The following AGBL3 variants were observed in gnomAD, a reference collection of about 807,000 sequenced individuals.
AGBL3 encodes cytosolic carboxypeptidase 3.
In AGBL3, 68 loss-of-function variants were observed where a neutral mutation model predicts 94.5. The ratio of observed to expected loss-of-function variants is 0.72; its 90% CI spans 0.59 to 0.88. AGBL3 has a LOEUF of 0.88. Among genes scored for constraint, AGBL3 ranks in the 40% least tolerant of loss-of-function variants. AGBL3 has a pLI of 0.00. For synonymous variants in AGBL3, 354 were observed against 370.7 expected (o/e 0.95, Z 0.52); for missense variants, 934 against 1,103.8 (o/e 0.85, Z 2.18).
Position 135,091,180 on chromosome 7 carries a change from T to C in AGBL3, c.2110+9390T>C, listed in dbSNP as rs1030122013. ...AGGATGGGGTGGTGGAGTCCTGGTG[T>C]TTCCTTCCATTTTCCATATGGCCTT... On this transcript the variant is annotated intron_variant, in intron 15 of 16. Transcript: ENST00000436302. Among the ~76,000 whole-genome samples, 4 of 151,968 alleles carry C rather than the reference T, an allele frequency of 2.6e-5. No individual in the cohort carries two copies. The South Asian group carries it at 8.3e-4, about 31-fold the overall frequency.
At chr7:135,101,683 A>G (rs1823848584) in intron 15 of AGBL3, among the ~76,000 whole-genome samples, 2 of 152,104 alleles carry the variant, frequency 1.3e-5, no homozygotes, top group Non-Finnish European at 2.9e-5. Context: ...CTAATTGAAG[A>G]CTAATATAGT....
intron 15 of AGBL3, among the ~76,000 whole-genome samples, chr7:135,105,184 C>G (rs1010257703): frequency 1.3e-5 from 2 of 150,996 alleles, no homozygotes; most frequent in Non-Finnish European, 2.9e-5. Context: ...ATTCTCTTGC[C>G]TCAGCCTCCC....
intron 4 of AGBL3, among the ~76,000 whole-genome samples, chr7:135,003,529 A>C (rs1157045594): frequency 1.3e-5 from 2 of 151,968 alleles, no homozygotes; most frequent in Non-Finnish European, 2.9e-5. Flanking sequence ...CTTTATTGTG[A>C]TCACATTAAT....
intron 12 of AGBL3, among the ~76,000 whole-genome samples, chr7:135,060,508 T>A (rs902017147): frequency 5.9e-5 from 9 of 152,256 alleles, no homozygotes; most frequent in Non-Finnish European, 8.8e-5. Context: ...ATTCCTCCTA[T>A]CTAACTGGAA....
intron 12 of AGBL3, among the ~76,000 whole-genome samples, chr7:135,070,945 T>C (rs1342655540): frequency 6.6e-6 from 1 of 152,030 alleles, no homozygotes; most frequent in East Asian, 1.9e-4. Flanking sequence ...TGTCCCTGTT[T>C]GCAGATGACA....
intron 8 of AGBL3, among the ~76,000 whole-genome samples, chr7:135,040,479 T>C (rs964285201): frequency 6.6e-6 from 1 of 152,112 alleles, no homozygotes; most frequent in Admixed American, 6.5e-5. Context: ...TGAAAATTAA[T>C]CATTGTAATC....
Position 135,133,414 on chromosome 7 carries a change from T to C in AGBL3, c.2343-1427T>C, listed in dbSNP as rs112569968. Among the ~76,000 whole-genome samples, 16 of 152,348 alleles carry C rather than the reference T, an allele frequency of 1.1e-4. No individual in the cohort carries two copies. The South Asian group carries it at 1.4e-3, about 14-fold the overall frequency. ...CAAAATCCCAGCAAGATCTTTTGTA[T>C]ATATAGACAAGATTATTCCAGAATT... On this transcript the variant is annotated intron_variant, in intron 16 of 16. Coordinates refer to ENST00000436302, the MANE Select transcript of AGBL3 (RefSeq NM_178563.4).
chr7:135,026,852 A>G (rs1344943222), intron 5 of AGBL3, among the ~76,000 whole-genome samples: 1 of 151,446 alleles, frequency 6.6e-6, no homozygotes, highest in African/African-American at 2.4e-5. Context: ...ATTTGCATAT[A>G]TGTTTGGGTT....
chr7:135,020,826 G>A (rs945418367), intron 5 of AGBL3, among the ~76,000 whole-genome samples: 20 of 149,438 alleles, frequency 1.3e-4, no homozygotes, highest in African/African-American at 2.2e-4. Context: ...ACCAAACACC[G>A]CATGTTCTCA....
intron 4 of AGBL3, among the ~76,000 whole-genome samples, chr7:135,015,734 G>A (rs73153715): frequency 0.12 from 18,002 of 151,794 alleles, 1,194 homozygotes; most frequent in East Asian, 0.19. Flanking sequence ...GCATACACAG[G>A]CCGGGCATGG....
chr7:135,131,200 A>T lies in AGBL3; in HGVS notation c.2343-3641A>T, dbSNP rs567044773. ...AGCTGGAAGCCATCATCTTCAGCAAACTTAATACAGGAACAGAAAACCAAA... is the reference window on the plus strand; with the variant it reads ...AGCTGGAAGCCATCATCTTCAGCAATCTTAATACAGGAACAGAAAACCAAA... On this transcript the variant is annotated intron_variant, in intron 16 of 16. Transcript: ENST00000436302. Among the ~76,000 whole-genome samples the T allele has an allele frequency of 2.5e-4, 38 of 152,310 alleles. No homozygotes were observed. The South Asian group carries it at 5.4e-3, about 22-fold the overall frequency.
At chr7:135,130,543 A>C (rs1453029844) in intron 16 of AGBL3, among the ~76,000 whole-genome samples, 2 of 121,908 alleles carry the variant, frequency 1.6e-5, no homozygotes, top group East Asian at 4.0e-4. Flanking sequence ...TCTTAATATT[A>C]ATTCCAGCAA....
chr7:135,014,261 G>A (rs1376354425), intron 4 of AGBL3, among the ~76,000 whole-genome samples: 1 of 146,722 alleles, frequency 6.8e-6, no homozygotes, highest in Non-Finnish European at 1.5e-5. Context: ...TGCATAATGA[G>A]ATTGTGGATT....
chr7:135,031,391 C>T (rs972776319), intron 5 of AGBL3, among the ~76,000 whole-genome samples: 14 of 152,114 alleles, frequency 9.2e-5, no homozygotes, highest in African/African-American at 2.4e-5. Context: ...TCCTGAGTAG[C>T]TGGGACTACA....
chr7:135,112,933 T>G (rs1825843779), intron 15 of AGBL3, among the ~76,000 whole-genome samples: 1 of 152,108 alleles, frequency 6.6e-6, no homozygotes. Flanking sequence ...CTCGCCACCA[T>G]GCCGACTTAA....
At position 135,134,926 on chromosome 7, in the gene AGBL3, G is replaced by A; in HGVS notation, c.2428G>A (p.Asp810Asn). Reference protein sequence around the residue: ...PRNHPFVIQGDVMANSSEWVQ... With the variant: ...PRNHPFVIQGNVMANSSEWVQ... ...AAATCACCCTTTTGTAATCCAAGGG[G>A]ATGTTATGGCAAACTCTTCAGAATG... The change falls in exon 17 of 17, where the codon GAT (aspartate) becomes AAT (asparagine). Residue 810 changes from aspartate to asparagine, a missense_variant. Around this residue, in one of 3 missense-constraint regions of AGBL3, gnomAD observed 441 missense variants for 518.2 expected, o/e 0.85. Transcript: ENST00000436302. The A allele has an allele frequency of 6.4e-7, 1 of 1,551,090 alleles. No individual in the cohort carries two copies. Among genetic ancestry groups the A allele is most frequent in the African/African-American group, 1.4e-5 (1 of 73,072 alleles).
chr7:135,060,209 A>G (rs566673996), intron 12 of AGBL3, among the ~76,000 whole-genome samples: 25 of 152,348 alleles, frequency 1.6e-4, no homozygotes, highest in South Asian at 8.3e-4. Context: ...ATCACTTGAG[A>G]CAGTTTTACT....
intron 15 of AGBL3, among the ~76,000 whole-genome samples, chr7:135,110,490 T>C (rs529850122): frequency 6.6e-6 from 1 of 152,078 alleles, no homozygotes; most frequent in Admixed American, 6.5e-5. Flanking sequence ...GTGGAGTGGG[T>C]TCATGAGAAG....
chr7:135,003,050 G>A (rs1051500605), intron 4 of AGBL3, among the ~76,000 whole-genome samples: 1 of 151,896 alleles, frequency 6.6e-6, no homozygotes, highest in African/African-American at 2.4e-5. Context: ...TAATTTTTAT[G>A]TAGTTACTTT....
Sources: allele counts gnomAD v4.1 joint callset (sites outside exome capture counted in the v4.1 genomes callset), GRCh38; gene constraint gnomAD v4.1.1; regional missense constraint gnomAD v4.1.1; transcripts MANE v1.5; gene names NCBI Gene and HGNC (gene_info 2026-07-23, HGNC 2026-07-21).